Variants in URGCP observed in about 807,000 individuals in gnomAD.
The protein encoded by URGCP is upregulator of cell proliferation.
In URGCP, 13 loss-of-function variants were observed where a neutral mutation model predicts 24.6. The ratio of observed to expected loss-of-function variants is 0.53; its 90% CI spans 0.34 to 0.84. The LOEUF (loss-of-function observed/expected upper bound fraction) is 0.84, where lower values mean the gene tolerates loss of function less well. URGCP is among the 40% of genes least tolerant of loss of function. The pLI is 0.01. For missense variants in URGCP, 899 were observed against 1,194.3 expected (o/e 0.75, Z 3.64); for synonymous variants, 444 against 487.2 (o/e 0.91, Z 1.17).
chr7:43,910,315 A>G (rs925702162), upstream of URGCP, among the ~76,000 whole-genome samples: 3 of 151,974 alleles, frequency 2.0e-5, no homozygotes, highest in African/African-American at 4.8e-5. Flanking sequence ...TCCCAGCTCA[A>G]AGTGATTCTC....
Position 43,878,576 on chromosome 7 carries a change from C to A in URGCP, c.887G>T (p.Arg296Leu). ...GHRQWDCFWH[R>L]DLNLGTNARE... The stretch of plus-strand genomic sequence containing the variant: ...GGCATTGGTGCCCAAGTTGAGGTCC[C>A]GATGCCAGAAGCAGTCCCACTGCCT... The change falls in exon 6 of 6, where the codon CGG becomes CTG. Residue 296 changes from arginine to leucine, a missense_variant. By Grantham distance (102) the Arg-to-Leu change is moderately radical. Transcript: ENST00000453200. The surrounding 1 kb of genome is among the most constrained non-coding windows in gnomAD (Gnocchi z 5.6). 1 of 1,614,160 alleles carries A rather than the reference C, an allele frequency of 6.2e-7. No individual in the cohort carries two copies.
At chr7:43,887,538 A>T (rs968433944) in intron 2 of URGCP, 53 bp from the exon 3 acceptor site, 30 of 1,593,462 alleles carry the variant, frequency 1.9e-5, no homozygotes, top group Non-Finnish European at 2.6e-5. Context: ...TACCACTTTC[A>T]CCTATCAAAC....
chr7:43,905,627 A>C (rs893650483), intron 1 of URGCP: 1 of 152,292 alleles, frequency 6.6e-6, no homozygotes, highest in East Asian at 1.9e-4. Context: ...ACACCTGTAA[A>C]GCTCTTTGGG....
intron 3 of URGCP, among the ~76,000 whole-genome samples, chr7:43,882,434 A>T (rs1283300240): frequency 2.0e-5 from 3 of 152,198 alleles, no homozygotes; most frequent in African/African-American, 7.2e-5. Flanking sequence ...TGGGCGACAG[A>T]GTGAGGCTAT....
chr7:43,879,355 G>A, intron 5 of URGCP, 95 bp from the exon 6 acceptor site: 1 of 1,409,854 alleles, frequency 7.1e-7, no homozygotes, highest in Non-Finnish European at 9.5e-7. Flanking sequence ...AGGATGGGGA[G>A]AGTGACGACC....
At chr7:43,926,613 G>T, upstream of URGCP, 12 of 1,513,118 alleles carry the variant, frequency 7.9e-6, no homozygotes, top group Non-Finnish European at 1.1e-5. Context: ...AGGTGTGGGC[G>T]GGGCGCCGCT....
intron 1 of URGCP, among the ~76,000 whole-genome samples, chr7:43,922,011 G>A (rs1479359512): frequency 2.0e-5 from 3 of 150,466 alleles, no homozygotes; most frequent in Non-Finnish European, 2.9e-5. Context: ...TCCTGCCTTC[G>A]ATTCCTAAGT....
chr7:43,877,944 C>T lies in URGCP; in HGVS notation c.1519G>A (p.Val507Met), dbSNP rs2095847777. 1 of 1,614,178 alleles carries T rather than the reference C, an allele frequency of 6.2e-7. No homozygotes were observed. The highest frequency in any genetic ancestry group is 1.3e-5 in the African/African-American group (1 of 75,054). The change falls in exon 6 of 6, where the codon GTG becomes ATG. Residue 507 changes from valine (V) to methionine (M), a missense_variant. Physicochemically the swap from Val to Met is conservative, Grantham distance 21. Transcript: ENST00000453200. ...QGDPWRKAAQ[V>M]EKEFCQLQWA... is the part of the protein sequence containing the mutation. ...TGGAGCTGGCAGAACTCCTTCTCCA[C>T]TTGGGCTGCCTTTCTCCAGGGGTCC...
chr7:43,886,961 C>A (rs1418564348), intron 3 of URGCP, among the ~76,000 whole-genome samples: 1 of 152,086 alleles, frequency 6.6e-6, no homozygotes, highest in African/African-American at 2.4e-5. Context: ...ACTACAAGCC[C>A]CAGTGTGCTC....
chr7:43,885,100 TA>T (rs200441129), intron 3 of URGCP, among the ~76,000 whole-genome samples: 1 of 15,666 alleles, frequency 6.4e-5, no homozygotes, highest in Non-Finnish European at 1.1e-4. Context: ...ATGTATAGTA[TA>T]ATTTTTTTTT....
chr7:43,877,709 G>C lies in URGCP; in HGVS notation c.1754C>G (p.Pro585Arg), dbSNP rs1448116440. The change falls in exon 6 of 6, where the codon CCT becomes CGT. Residue 585 changes from proline to arginine, a missense_variant. Coordinates refer to ENST00000453200, the MANE Select transcript of URGCP (RefSeq NM_001077663.3). The part of the protein sequence containing the change: ...ARVAQPRLRQ[P>R]PETLLTLRPK... Reference sequence around the variant, plus strand: ...TCTCAGGGTGAGAAGCGTCTCCGGAGGCTGTCTCAGTCGCGGCTGGGCCAC... The same window carrying C: ...TCTCAGGGTGAGAAGCGTCTCCGGACGCTGTCTCAGTCGCGGCTGGGCCAC... 6.2e-7 allele frequency: 1 copy of C among 1,613,148 alleles called. No individual in the cohort carries two copies. The highest frequency in any genetic ancestry group is 1.3e-5 in the African/African-American group (1 of 74,868).
At chr7:43,902,006 G>C (rs2095891617) in intron 1 of URGCP, among the ~76,000 whole-genome samples, 1 of 152,076 alleles carries the variant, frequency 6.6e-6, no homozygotes, top group Admixed American at 6.6e-5. Flanking sequence ...ATGTTTAAAG[G>C]AACAGTGGGC....
At chr7:43,880,352 A>T (rs1359476642) in intron 5 of URGCP, among the ~76,000 whole-genome samples, 1 of 152,208 alleles carries the variant, frequency 6.6e-6, no homozygotes, top group Non-Finnish European at 1.5e-5. Flanking sequence ...GATGCTTGAA[A>T]CAGTATTGCT....
chr7:43,887,955 T>C (rs2095864514), intron 1 of URGCP, 139 bp from the exon 2 acceptor site: 3 of 595,434 alleles, frequency 5.0e-6, no homozygotes, highest in Non-Finnish European at 8.8e-6. Context: ...AAATACGCTA[T>C]GGATTTCTTT....
rs755814965 is a variant in URGCP, at chr7:43,877,706, G to A, written c.1757C>T (p.Pro586Leu). Residue 586 changes from proline to leucine, a missense_variant, in exon 6 of 6, where the codon CCG becomes CTG. Pro to Leu is a moderately conservative substitution (Grantham distance 98, BLOSUM62 -3). Coordinates refer to ENST00000453200, the MANE Select transcript of URGCP (RefSeq NM_001077663.3). ...RVAQPRLRQP[P>L]ETLLTLRPKH... ...TGGTCTCAGGGTGAGAAGCGTCTCCGGAGGCTGTCTCAGTCGCGGCTGGGC... is the reference window on the plus strand; with the variant it reads ...TGGTCTCAGGGTGAGAAGCGTCTCCAGAGGCTGTCTCAGTCGCGGCTGGGC... 37 of 1,613,216 alleles carry A rather than the reference G, an allele frequency of 2.3e-5. No individual in the cohort carries two copies. Among genetic ancestry groups the A allele is most frequent in the Non-Finnish European group, 2.8e-5 (33 of 1,179,810 alleles).
At position 43,877,821 on chromosome 7, in the gene URGCP, C is replaced by G; in HGVS notation, c.1642G>C (p.Val548Leu). 1.2e-6 allele frequency: 2 copies of G among 1,607,206 alleles called. No homozygotes were observed. The highest frequency in any genetic ancestry group is 1.7e-6 in the Non-Finnish European group (2 of 1,176,518). Residue 548 changes from valine to leucine, a missense_variant, in exon 6 of 6, where the codon GTG (valine) becomes CTG (leucine). Transcript: ENST00000453200. ...QQNGHDPSSG[V>L]QEFISGISSP... is the part of the protein sequence containing the mutation. ...CTGATCCCCGAGATGAACTCCTGCA[C>G]CCCCGAGGAGGGATCATGGCCGTTC...
intron 1 of URGCP, among the ~76,000 whole-genome samples, chr7:43,904,551 G>A (rs1004880249): frequency 1.3e-5 from 2 of 152,198 alleles, no homozygotes; most frequent in Non-Finnish European, 2.9e-5. Flanking sequence ...GAGGGTCTCA[G>A]AAAGCACTGT....
In URGCP at chr7:43,876,445, G is replaced by A; in HGVS notation, c.*222C>T. 1.7e-6 allele frequency: 1 copy of A among 573,658 alleles called. No homozygotes were observed. The highest frequency in any genetic ancestry group is 3.1e-6 in the Non-Finnish European group (1 of 324,948). The allele number at this position is 573,658 out of a possible 1,614,324, so 35.5% of individuals were successfully genotyped here. ...AAACTGCTGCTTGTCTCCCTACCCT[G>A]GGGGCTGTGATATTCTTGGTAACAT... is the stretch of plus-strand genomic sequence containing the variant. On this transcript the variant is annotated 3_prime_UTR_variant, in exon 6 of 6. Transcript: ENST00000453200.
rs186262635 is a variant in URGCP at position 43,895,215 on chromosome 7, A to T, written c.15-7399T>A. On this transcript the variant is annotated intron_variant, in intron 1 of 5. Coordinates refer to ENST00000453200, the MANE Select transcript of URGCP (RefSeq NM_001077663.3). ...GGAACTCAACTCAATAGCAAAAAAA[A>T]AATAATAATTTGACTGAAAAGTAGG... Among the ~76,000 whole-genome samples, 447 of 152,344 alleles carry T rather than the reference A, an allele frequency of 2.9e-3. 4 individuals carry two copies. Among genetic ancestry groups the T allele is most frequent in the African/African-American group, 8.6e-3 (357 of 41,574 alleles).
Sources: gnomAD v4.1 joint callset for allele counts (sites outside exome capture counted in the v4.1 genomes callset) on GRCh38, gnomAD v4.1.1 for gene constraint, Gnocchi (gnomAD v3.1) non-coding constraint, MANE v1.5 for transcripts, NCBI Gene and HGNC (gene_info 2026-07-23, HGNC 2026-07-21) for gene names.